SPAG16: variants seen among roughly 807,000 people sequenced by gnomAD.
The protein encoded by SPAG16 is sperm associated antigen 16.
A neutral mutation model predicts 80.4 loss-of-function variants in SPAG16; 86 were observed. The observed-to-expected ratio is 1.07, with a 90% CI of 0.90 to 1.28. SPAG16 has a LOEUF of 1.28. SPAG16 is among the 50% of genes most tolerant of loss of function. SPAG16 has a pLI of 0.00. For synonymous variants in SPAG16, 294 were observed against 265.9 expected, an observed-to-expected ratio of 1.11 and a Z score of -1.03; for missense variants, 870 against 765.3, an observed-to-expected ratio of 1.14 and a Z score of -1.61.
chr2:214,042,490 A>T (rs1255804603), intron 13 of SPAG16, among the ~76,000 whole-genome samples: 1 of 152,094 alleles, frequency 6.6e-6, no homozygotes, highest in Non-Finnish European at 1.5e-5. Context: ...TATTTTATAC[A>T]TGTTTGAGGC....
chr2:214,054,273 G>A (rs2049818384), intron 13 of SPAG16, among the ~76,000 whole-genome samples: 1 of 152,116 alleles, frequency 6.6e-6, no homozygotes, highest in Admixed American at 6.5e-5. Context: ...GCCTCCCAAA[G>A]TGCTGGGATT....
At chr2:214,384,142 A>T (rs1219854365) in intron 15 of SPAG16, among the ~76,000 whole-genome samples, 1 of 152,202 alleles carries the variant, frequency 6.6e-6, no homozygotes, top group Non-Finnish European at 1.5e-5. Flanking sequence ...ACCTATTAAA[A>T]CACTTAACAT....
At chr2:214,299,476 T>C (rs1463304355) in intron 15 of SPAG16, among the ~76,000 whole-genome samples, 2 of 151,944 alleles carry the variant, frequency 1.3e-5, no homozygotes, top group Non-Finnish European at 2.9e-5. Context: ...TCTTGATCTC[T>C]TGACCTCATC....
chr2:214,307,469 AG>A (rs1439454816), intron 15 of SPAG16, among the ~76,000 whole-genome samples: 17 of 151,746 alleles, frequency 1.1e-4, no homozygotes, highest in Non-Finnish European at 1.5e-5. Context: ...TAGTTCTTGT[AG>A]TTGTGATGTC....
intron 12 of SPAG16, among the ~76,000 whole-genome samples, chr2:213,938,734 G>T (rs1342394062): frequency 3.3e-5 from 5 of 151,902 alleles, no homozygotes; most frequent in Non-Finnish European, 7.4e-5. Flanking sequence ...CAAAATAAAA[G>T]AAGTAAACTG....
At chr2:213,827,600 T>C (rs78380391) in intron 10 of SPAG16, among the ~76,000 whole-genome samples, 3,662 of 152,262 alleles carry the variant, frequency 0.024, 128 homozygotes, top group African/African-American at 0.066. Context: ...TTCCTGATTC[T>C]TTACTATTAC....
intron 13 of SPAG16, among the ~76,000 whole-genome samples, chr2:214,014,871 C>T (rs140119100): frequency 7.2e-5 from 11 of 152,242 alleles, no homozygotes; most frequent in Admixed American, 5.2e-4. Context: ...ATAAATTCCT[C>T]ATAAGGGGTT....
chr2:213,284,530 A>G lies in SPAG16; in HGVS notation c.47A>G (p.Glu16Gly). Residue 16 changes from glutamate (E) to glycine (G), a missense_variant, in exon 1 of 16, where the codon GAA becomes GGA. Coordinates refer to ENST00000331683, the MANE Select transcript of SPAG16 (RefSeq NM_024532.5). The part of the protein sequence containing the change: ...GMPSSAVRVL[E>G]EALGMGLTAA... The stretch of plus-strand genomic sequence containing the variant: ...CCCAGCTCCGCCGTGAGGGTCCTGG[A>G]AGAGGCGTTGGGCATGGGTTTGACG... 1 of 1,598,234 alleles carries G rather than the reference A, an allele frequency of 6.3e-7. No homozygotes were observed. Among genetic ancestry groups the G allele is most frequent in the African/African-American group, 1.3e-5 (1 of 74,826 alleles).
intron 15 of SPAG16, among the ~76,000 whole-genome samples, chr2:214,266,406 C>G (rs1378644882): frequency 6.6e-6 from 1 of 151,648 alleles, no homozygotes; most frequent in Admixed American, 6.6e-5. Context: ...ATTTTTGGAG[C>G]AAACCTATTT....
At chr2:214,138,652 G>C (rs1205721276) in intron 14 of SPAG16, among the ~76,000 whole-genome samples, 1 of 152,122 alleles carries the variant, frequency 6.6e-6, no homozygotes, top group Non-Finnish European at 1.5e-5. Context: ...CTGACTTCCT[G>C]AATGGTCTTA....
intron 9 of SPAG16, among the ~76,000 whole-genome samples, chr2:213,419,053 T>A (rs2069435218): frequency 1.0e-5 from 1 of 96,600 alleles, no homozygotes; most frequent in Non-Finnish European, 3.0e-5. Context: ...ATAGAGAGAG[T>A]GATGAGGACT....
intron 10 of SPAG16, among the ~76,000 whole-genome samples, chr2:213,833,513 A>AT (rs2073860249): frequency 1.1e-3 from 1 of 888 alleles, no homozygotes; most frequent in African/African-American, 3.4e-3. Context: ...ATTATATATA[A>AT]TATATATAAT....
intron 5 of SPAG16, among the ~76,000 whole-genome samples, chr2:213,335,998 C>T (rs1377299876): frequency 6.6e-6 from 1 of 151,658 alleles, no homozygotes; most frequent in Admixed American, 6.6e-5. Flanking sequence ...AGTTGAGGTA[C>T]CAAGCTTTTC....
chr2:213,342,279 ACATATG>A (rs1157781450), intron 6 of SPAG16, among the ~76,000 whole-genome samples: 10 of 149,066 alleles, frequency 6.7e-5, no homozygotes, highest in South Asian at 2.1e-4. Context: ...TATATTACAT[ACATATG>A]TATATATATA....
intron 15 of SPAG16, among the ~76,000 whole-genome samples, chr2:214,371,153 A>G (rs1260627240): frequency 6.6e-6 from 1 of 152,166 alleles, no homozygotes; most frequent in Non-Finnish European, 1.5e-5. Context: ...CGTTGAGGAC[A>G]TTCTTCAGTG....
chr2:213,615,460 A>G (rs1200098495), intron 10 of SPAG16, among the ~76,000 whole-genome samples: 3 of 152,114 alleles, frequency 2.0e-5, no homozygotes, highest in East Asian at 1.9e-4. Context: ...GTGGGATGGC[A>G]TGCACCTGAA....
intron 12 of SPAG16, among the ~76,000 whole-genome samples, chr2:213,964,741 T>A (rs139018814): frequency 7.9e-5 from 12 of 152,216 alleles, no homozygotes; most frequent in African/African-American, 2.9e-4. Flanking sequence ...TCAATCAGAG[T>A]CAAAATGTTC....
intron 15 of SPAG16, among the ~76,000 whole-genome samples, chr2:214,174,284 C>A (rs1024624411): frequency 6.6e-6 from 1 of 151,950 alleles, no homozygotes; most frequent in African/African-American, 2.4e-5. Flanking sequence ...AAGAGGAAGT[C>A]AAATTGTCCC....
intron 10 of SPAG16, among the ~76,000 whole-genome samples, chr2:213,639,430 C>G (rs1559333899): frequency 1.3e-5 from 2 of 152,140 alleles, no homozygotes; most frequent in Non-Finnish European, 2.9e-5. Flanking sequence ...TCTTGTAGTG[C>G]TGGCTTCGTA....
Sources: gnomAD v4.1 joint callset for allele counts (sites outside exome capture counted in the v4.1 genomes callset) on GRCh38, gnomAD v4.1.1 for gene constraint, MANE v1.5 for transcripts, NCBI Gene and HGNC (gene_info 2026-07-23, HGNC 2026-07-21) for gene names.